Variants in TMEM132C observed in about 807,000 individuals in gnomAD.
TMEM132C encodes the protein transmembrane protein 132C.
Under a neutral mutation model 61.4 loss-of-function variants are expected in TMEM132C, and 29 were observed. The ratio of observed to expected loss-of-function variants is 0.47; its 90% CI spans 0.35 to 0.64. TMEM132C has a LOEUF of 0.64. Ranked by LOEUF, TMEM132C falls within the 30% of genes least tolerant of loss-of-function variation. The pLI, the probability that TMEM132C is intolerant of heterozygous loss-of-function variation, is 0.00. For missense variants in TMEM132C, 1,408 were observed against 1,476.9 expected (o/e 0.95, Z 0.76); for synonymous variants, 656 against 633.1 (o/e 1.04, Z -0.54).
intron 2 of TMEM132C, among the ~76,000 whole-genome samples, chr12:128,501,115 C>T (rs552955490): frequency 6.6e-6 from 1 of 152,178 alleles, no homozygotes; most frequent in South Asian, 2.1e-4. Flanking sequence ...TCTCACCTTC[C>T]CTTTGCATAC....
At chr12:128,491,326 C>T (rs1182405061) in intron 2 of TMEM132C, among the ~76,000 whole-genome samples, 1 of 152,140 alleles carries the variant, frequency 6.6e-6, no homozygotes, top group Non-Finnish European at 1.5e-5. Flanking sequence ...TGCAATTGAG[C>T]AATTTGGGCA....
At chr12:128,436,275 C>T (rs1009069241) in intron 2 of TMEM132C, among the ~76,000 whole-genome samples, 9 of 152,138 alleles carry the variant, frequency 5.9e-5, no homozygotes, top group African/African-American at 1.9e-4. Context: ...AGAGCAATGG[C>T]AACAAAAGCC....
In TMEM132C at chr12:128,630,923, T is replaced by G. The variant is rs539940327; in HGVS notation, c.1305+14588T>G. On this transcript the variant is annotated intron_variant, in intron 4 of 8. Transcript: ENST00000435159. This position sits in a 1 kb window ranked among gnomAD's most constrained non-coding sequence, Gnocchi z 4.3. Reference sequence around the variant, plus strand: ...GGTATGTGCCTGTATTCCCAGCTACTCAGGAGGCTGAGACACGAGAATCGC... The same window carrying G: ...GGTATGTGCCTGTATTCCCAGCTACGCAGGAGGCTGAGACACGAGAATCGC... 2.0e-5 allele frequency among the ~76,000 whole-genome samples: 3 copies of G among 152,060 alleles called. No homozygotes were observed. The highest frequency in any genetic ancestry group is 7.2e-5 in the African/African-American group (3 of 41,402).
chr12:128,594,316 G>A (rs1378531624), intron 3 of TMEM132C, among the ~76,000 whole-genome samples: 2 of 152,078 alleles, frequency 1.3e-5, no homozygotes, highest in African/African-American at 2.4e-5. Context: ...GCTATGGGCT[G>A]CATATTCACC....
chr12:128,608,905 G>T (rs1876519210), intron 3 of TMEM132C, among the ~76,000 whole-genome samples: 1 of 152,160 alleles, frequency 6.6e-6, no homozygotes. Flanking sequence ...GATATGATTT[G>T]CAATACTCTT....
chr12:128,585,256 G>A (rs910272243), intron 3 of TMEM132C, among the ~76,000 whole-genome samples: 1 of 152,218 alleles, frequency 6.6e-6, no homozygotes, highest in African/African-American at 2.4e-5. Context: ...ATAGTGGTTT[G>A]GTGATAGGAG....
At chr12:128,492,989 T>C (rs11614002) in intron 2 of TMEM132C, among the ~76,000 whole-genome samples, 9 of 152,216 alleles carry the variant, frequency 5.9e-5, no homozygotes, top group South Asian at 2.1e-4. Context: ...TTAGGTCTAA[T>C]ATTTAAGTCT....
intron 1 of TMEM132C, among the ~76,000 whole-genome samples, chr12:128,267,718 AC>A (rs1364290824): frequency 6.6e-6 from 1 of 151,936 alleles, no homozygotes; most frequent in Admixed American, 6.6e-5. Context: ...CGAATCTCCC[AC>A]CCCGGACCCC....
At chr12:128,332,890 C>A (rs535148786) in intron 1 of TMEM132C, among the ~76,000 whole-genome samples, 1 of 152,190 alleles carries the variant, frequency 6.6e-6, no homozygotes, top group South Asian at 2.1e-4. Flanking sequence ...CCTAGTGGCC[C>A]TGTAGAGACC....
intron 1 of TMEM132C, among the ~76,000 whole-genome samples, chr12:128,368,079 G>A (rs1330249325): frequency 1.3e-5 from 2 of 152,270 alleles, no homozygotes; most frequent in African/African-American, 2.4e-5. Flanking sequence ...ATGCTTCTGC[G>A]CAGACCAAGA....
intron 3 of TMEM132C, among the ~76,000 whole-genome samples, chr12:128,569,743 C>T (rs914469180): frequency 3.3e-5 from 5 of 152,170 alleles, no homozygotes; most frequent in African/African-American, 4.8e-5. Context: ...CAAGGGGTTG[C>T]ATTGGTTCTG....
chr12:128,549,938 G>A (rs150438613), intron 3 of TMEM132C, among the ~76,000 whole-genome samples: 6 of 152,206 alleles, frequency 3.9e-5, no homozygotes, highest in Admixed American at 1.3e-4. Flanking sequence ...GGTCTGCCTC[G>A]GAGGACAAGC....
intron 1 of TMEM132C, among the ~76,000 whole-genome samples, chr12:128,324,793 A>G (rs148094149): frequency 4.3e-4 from 66 of 152,286 alleles, no homozygotes; most frequent in African/African-American, 1.5e-3. Flanking sequence ...GTACCACTGC[A>G]GCCCAGCCTG....
At chr12:128,411,607 G>C (rs1868553242) in intron 1 of TMEM132C, among the ~76,000 whole-genome samples, 1 of 151,998 alleles carries the variant, frequency 6.6e-6, no homozygotes, top group Admixed American at 6.6e-5. Flanking sequence ...GGTTCTTCTT[G>C]TACTAGGAAT....
At chr12:128,344,014 A>G (rs533403324) in intron 1 of TMEM132C, among the ~76,000 whole-genome samples, 5 of 152,272 alleles carry the variant, frequency 3.3e-5, no homozygotes, top group African/African-American at 4.8e-5. Context: ...CTTCTATTAT[A>G]TGGATATTCC....
At chr12:128,622,037 T>C (rs1216463031) in intron 4 of TMEM132C, among the ~76,000 whole-genome samples, 2 of 151,994 alleles carry the variant, frequency 1.3e-5, no homozygotes, top group African/African-American at 4.8e-5. Context: ...AACACACCAT[T>C]ATCCTCAAAA....
chr12:128,335,939 T>C lies in TMEM132C; in HGVS notation c.85+68452T>C, dbSNP rs967948758. Among the ~76,000 whole-genome samples the C allele has an allele frequency of 2.0e-4, 30 of 152,070 alleles. 1 individual carries two copies. Among genetic ancestry groups the C allele is most frequent in the African/African-American group, 7.2e-4 (30 of 41,394 alleles). On this transcript the variant is annotated intron_variant, in intron 1 of 8. Transcript: ENST00000435159. ...TTGGAAACACAGAGTGTAGATATTC[T>C]TAAAGATCTAATCCTTAATTATTCA...
At chr12:128,546,623 T>C (rs1475050796) in intron 3 of TMEM132C, among the ~76,000 whole-genome samples, 1 of 152,016 alleles carries the variant, frequency 6.6e-6, no homozygotes, top group Non-Finnish European at 1.5e-5. Context: ...TCTGCAGAAA[T>C]AGAGAATAAT....
At chr12:128,496,992 A>AC (rs1871984700) in intron 2 of TMEM132C, among the ~76,000 whole-genome samples, 2 of 152,128 alleles carry the variant, frequency 1.3e-5, no homozygotes, top group Non-Finnish European at 2.9e-5. Context: ...GATGATGGTG[A>AC]CATACAGATG....
Sources: allele counts gnomAD v4.1 joint callset (sites outside exome capture counted in the v4.1 genomes callset), GRCh38; gene constraint gnomAD v4.1.1; non-coding constraint Gnocchi (gnomAD v3.1); transcripts MANE v1.5; gene names NCBI Gene and HGNC (gene_info 2026-07-23, HGNC 2026-07-21).